Variants in XKR4 observed in about 807,000 individuals in gnomAD.
XKR4 encodes XK-related protein 4.
XKR4 carries 12 observed loss-of-function variants against 53.9 expected under a neutral mutation model. The ratio of observed to expected loss-of-function variants is 0.22; its 90% CI spans 0.14 to 0.36. The LOEUF (loss-of-function observed/expected upper bound fraction) is 0.36. XKR4 is among the 10% of genes least tolerant of loss of function. The probability of loss-of-function intolerance (pLI) is 1.00; values close to 1 mark genes in which losing one functional copy is unlikely to be tolerated. For missense variants in XKR4, 799 were observed against 859.5 expected (o/e 0.93, Z 0.88); for synonymous variants, 354 against 362.4 (o/e 0.98, Z 0.26).
chr8:55,397,042 T>A (rs1804528957), intron 2 of XKR4, among the ~76,000 whole-genome samples: 1 of 152,248 alleles, frequency 6.6e-6, no homozygotes, highest in Non-Finnish European at 1.5e-5. Flanking sequence ...GTCTTTTTAT[T>A]CAAAGATGAG....
At chr8:55,396,405 T>TTTTTG (rs1330759243) in intron 2 of XKR4, among the ~76,000 whole-genome samples, 1 of 140,748 alleles carries the variant, frequency 7.1e-6, no homozygotes, top group Non-Finnish European at 1.5e-5. Context: ...TTTGGTTTTT[T>TTTTTG]TTTTTTTTTT....
intron 1 of XKR4, among the ~76,000 whole-genome samples, chr8:55,192,043 C>A (rs1382386948): frequency 6.6e-6 from 1 of 151,608 alleles, no homozygotes; most frequent in Non-Finnish European, 1.5e-5. Flanking sequence ...GCTGCTGTGT[C>A]TATGTACTTG....
chr8:55,534,818 C>T lies in XKR4; in HGVS notation c.*10591C>T, dbSNP rs1458233477. 6.7e-6 allele frequency: 1 copy of T among 148,798 alleles called. No individual in the cohort carries two copies. Among genetic ancestry groups the T allele is most frequent in the Non-Finnish European group, 1.5e-5 (1 of 67,576 alleles). 9.2% of individuals were successfully genotyped at this position (148,798 alleles called of 1,614,324 possible). On this transcript the variant is annotated 3_prime_UTR_variant, in exon 3 of 3. Transcript: ENST00000327381. ...GAGCTACGAGATAAGAATGAAGTTA[C>T]CAGAAGTTATCAGGTCATAGTTTCA...
intron 2 of XKR4, chr8:55,450,513 A>T: frequency 1.5e-6 from 1 of 646,976 alleles, no homozygotes; most frequent in East Asian, 3.2e-5. Flanking sequence ...ATGTGCTCAT[A>T]GTCAGAGTCC....
chr8:55,277,679 T>C (rs1818783288), intron 1 of XKR4, among the ~76,000 whole-genome samples: 1 of 152,234 alleles, frequency 6.6e-6, no homozygotes, highest in South Asian at 2.1e-4. Context: ...TGGAGCATTT[T>C]GCATTCTCGA....
At chr8:55,417,602 G>A (rs903699723) in intron 2 of XKR4, among the ~76,000 whole-genome samples, 1 of 152,180 alleles carries the variant, frequency 6.6e-6, no homozygotes, top group Non-Finnish European at 1.5e-5. Flanking sequence ...TAGCTGTAGG[G>A]TATTATCATT....
At chr8:55,393,503 A>G (rs1295388700) in intron 2 of XKR4, among the ~76,000 whole-genome samples, 2 of 152,178 alleles carry the variant, frequency 1.3e-5, no homozygotes, top group Non-Finnish European at 2.9e-5. Flanking sequence ...AATATTCATA[A>G]TAGTTGAAGC....
chr8:55,217,576 A>G (rs1013578729), intron 1 of XKR4, among the ~76,000 whole-genome samples: 4 of 152,208 alleles, frequency 2.6e-5, no homozygotes, highest in Admixed American at 2.6e-4. Flanking sequence ...TAGCCCAGAG[A>G]TACTCTTGCA....
intron 2 of XKR4, among the ~76,000 whole-genome samples, chr8:55,430,727 T>C (rs1277389384): frequency 6.6e-6 from 1 of 152,170 alleles, no homozygotes; most frequent in Non-Finnish European, 1.5e-5. Context: ...TGTGGAAGTC[T>C]GAGATGAAGG....
intron 2 of XKR4, among the ~76,000 whole-genome samples, chr8:55,436,814 A>G (rs1234909743): frequency 6.6e-6 from 1 of 152,116 alleles, no homozygotes; most frequent in Non-Finnish European, 1.5e-5. Context: ...ATCTTTATGG[A>G]CCTTTTGAGC....
chr8:55,131,102 T>C (rs192399807), intron 1 of XKR4, among the ~76,000 whole-genome samples: 3,644 of 151,852 alleles, frequency 0.024, 135 homozygotes, highest in African/African-American at 0.083. Flanking sequence ...GAGGTTGAGG[T>C]GAGCTGAGAT....
Position 55,180,720 on chromosome 8 carries a change from A to G in XKR4, c.806+77426A>G, listed in dbSNP as rs1817299128. Among the ~76,000 whole-genome samples, 3 of 152,186 alleles carry G rather than the reference A, an allele frequency of 2.0e-5. No individual in the cohort carries two copies. The South Asian group carries it at 6.2e-4, about 32-fold the overall frequency. ...CTAATTTTTTGTATTTTTAGTAGAG[A>G]CGGGGTTTCACCATGTTAGCCAGGC... On this transcript the variant is annotated intron_variant, in intron 1 of 2. Coordinates refer to ENST00000327381, the MANE Select transcript of XKR4 (RefSeq NM_052898.2).
intron 2 of XKR4, among the ~76,000 whole-genome samples, chr8:55,431,054 G>T (rs564501864): frequency 5.3e-5 from 8 of 152,234 alleles, no homozygotes; most frequent in African/African-American, 1.9e-4. Flanking sequence ...TCTTACAACT[G>T]CATGTGAACT....
At position 55,116,899 on chromosome 8, in the gene XKR4, C is replaced by G. The variant is rs778724476; in HGVS notation, c.806+13605C>G. Among the ~76,000 whole-genome samples the G allele has an allele frequency of 2.0e-5, 3 of 152,128 alleles. No individual in the cohort carries two copies. The East Asian group carries it at 5.8e-4, about 29-fold the overall frequency. ...GGCTTTCCATATGCTTGCTACTACCCACCTGTGTCCGCTGAGCACTTGAAA... is the reference window on the plus strand; with the variant it reads ...GGCTTTCCATATGCTTGCTACTACCGACCTGTGTCCGCTGAGCACTTGAAA... On this transcript the variant is annotated intron_variant, in intron 1 of 2. Coordinates refer to ENST00000327381, the MANE Select transcript of XKR4 (RefSeq NM_052898.2).
At chr8:55,259,522 G>A (rs1283636736) in intron 1 of XKR4, among the ~76,000 whole-genome samples, 1 of 152,068 alleles carries the variant, frequency 6.6e-6, no homozygotes, top group African/African-American at 2.4e-5. Flanking sequence ...CGTTGTAACT[G>A]ACTCCAGAGC....
At chr8:55,207,870 G>A (rs1171969266) in intron 1 of XKR4, among the ~76,000 whole-genome samples, 1 of 152,090 alleles carries the variant, frequency 6.6e-6, no homozygotes, top group Non-Finnish European at 1.5e-5. Context: ...CCTCCAGCAC[G>A]TTCCCCAGGC....
intron 1 of XKR4, among the ~76,000 whole-genome samples, chr8:55,112,500 G>A (rs1816245347): frequency 6.8e-6 from 1 of 146,670 alleles, no homozygotes; most frequent in Non-Finnish European, 1.5e-5. Flanking sequence ...TCTTTTATCT[G>A]CAGTACAGGT....
At chr8:55,111,076 A>T (rs1816224930) in intron 1 of XKR4, among the ~76,000 whole-genome samples, 1 of 152,166 alleles carries the variant, frequency 6.6e-6, no homozygotes. Flanking sequence ...TTAAAGAGGC[A>T]TCTGTCCTTT....
At chr8:55,382,277 A>T (rs565093850) in intron 2 of XKR4, among the ~76,000 whole-genome samples, 1 of 152,364 alleles carries the variant, frequency 6.6e-6, no homozygotes, top group South Asian at 2.1e-4. Flanking sequence ...CTGGGACAAG[A>T]TCACTTTGAA....
Sources: gnomAD v4.1 joint callset for allele counts (sites outside exome capture counted in the v4.1 genomes callset) on GRCh38, gnomAD v4.1.1 for gene constraint, MANE v1.5 for transcripts, NCBI Gene and HGNC (gene_info 2026-07-23, HGNC 2026-07-21) for gene names.